Variants in TMEM245 observed in about 807,000 individuals in gnomAD.
The protein encoded by TMEM245 is protein CG-2.
A neutral mutation model predicts 101.2 loss-of-function variants in TMEM245; 69 were observed. The observed-to-expected ratio is 0.68, with a 90% CI of 0.56 to 0.83. The LOEUF is 0.83. Ranked by LOEUF, TMEM245 falls within the 40% of genes least tolerant of loss-of-function variation. The pLI, the probability that TMEM245 is intolerant of heterozygous loss-of-function variation, is 0.00. For missense variants in TMEM245, 1,075 were observed against 1,092.8 expected, an observed-to-expected ratio of 0.98 and a Z score of 0.23; for synonymous variants, 537 against 449.8, an observed-to-expected ratio of 1.19 and a Z score of -2.45.
intron 9 of TMEM245, among the ~76,000 whole-genome samples, chr9:109,068,195 A>C (rs553677818): frequency 6.6e-5 from 10 of 151,900 alleles, no homozygotes; most frequent in African/African-American, 2.4e-4. Flanking sequence ...GTGAAACCCT[A>C]TCTCTACTAA....
At chr9:109,056,071 T>C (rs1201809870) in intron 12 of TMEM245, among the ~76,000 whole-genome samples, 1 of 152,202 alleles carries the variant, frequency 6.6e-6, no homozygotes, top group Non-Finnish European at 1.5e-5. Context: ...GCACTTCATC[T>C]TCCACATTAG....
intron 10 of TMEM245, among the ~76,000 whole-genome samples, chr9:109,064,050 G>A (rs576471937): frequency 6.6e-6 from 1 of 152,168 alleles, no homozygotes; most frequent in African/African-American, 2.4e-5. Flanking sequence ...CTGCAAAGCA[G>A]GCAAAATAAT....
chr9:109,118,807 C>T (rs1292929487), intron 1 of TMEM245, among the ~76,000 whole-genome samples: 1 of 152,226 alleles, frequency 6.6e-6, no homozygotes, highest in Non-Finnish European at 1.5e-5. Context: ...GTGAAGCAAG[C>T]TTTGTTTTAG....
At chr9:109,085,109 AATT>A (rs2085374227) in intron 7 of TMEM245, among the ~76,000 whole-genome samples, 2 of 152,112 alleles carry the variant, frequency 1.3e-5, no homozygotes, top group South Asian at 4.1e-4. Flanking sequence ...GATTCATTGA[AATT>A]ATTATTTTTT....
At chr9:109,062,528 C>G (rs1009462466) in intron 10 of TMEM245, among the ~76,000 whole-genome samples, 3 of 152,200 alleles carry the variant, frequency 2.0e-5, no homozygotes, top group African/African-American at 7.2e-5. Context: ...TAGTTTACAA[C>G]ATCTATTTCC....
At chr9:109,034,774 C>T (rs978799864) in intron 16 of TMEM245, among the ~76,000 whole-genome samples, 4 of 151,882 alleles carry the variant, frequency 2.6e-5, no homozygotes, top group African/African-American at 9.7e-5. Context: ...AAAATAAAAA[C>T]GTGTGGGAGT....
intron 9 of TMEM245, among the ~76,000 whole-genome samples, chr9:109,071,603 CAA>C (rs202086560): frequency 1.0e-4 from 13 of 124,198 alleles, no homozygotes; most frequent in Non-Finnish European, 8.5e-5. Context: ...GACCCTGTCT[CAA>C]AAAAAAAAAA....
chr9:109,058,474 G>A (rs150112526), intron 11 of TMEM245, among the ~76,000 whole-genome samples: 103 of 152,256 alleles, frequency 6.8e-4, no homozygotes, highest in African/African-American at 2.2e-3. Context: ...GCTCTCATCT[G>A]TAATCCTACC....
At chr9:109,023,614 C>T (rs1378336642) in intron 17 of TMEM245, among the ~76,000 whole-genome samples, 1 of 152,076 alleles carries the variant, frequency 6.6e-6, no homozygotes, top group Non-Finnish European at 1.5e-5. Context: ...GCAGGTGGAT[C>T]ACGAGGTCAG....
rs752851279 is a variant in TMEM245, at chr9:109,087,361, T to A, written c.1151-19A>T. On this transcript the variant is annotated intron_variant, in intron 5 of 17. Coordinates refer to ENST00000374586, the MANE Select transcript of TMEM245 (RefSeq NM_032012.4). ...ATCCAGACTAAAAAAAGACAAAAAA[T>A]ACATATATAAACAAAATATAGATTA... is the stretch of plus-strand genomic sequence containing the variant. 6.3e-7 allele frequency: 1 copy of A among 1,577,562 alleles called. No homozygotes were observed. The highest frequency in any genetic ancestry group is 1.2e-5 in the South Asian group (1 of 84,922).
At chr9:109,085,746 G>A (rs1829811727) in intron 7 of TMEM245, among the ~76,000 whole-genome samples, 1 of 152,198 alleles carries the variant, frequency 6.6e-6, no homozygotes, top group South Asian at 2.1e-4. Flanking sequence ...GGGACAAAAG[G>A]ACTATGAGAC....
At chr9:109,043,063 A>T (rs547365605) in intron 14 of TMEM245, among the ~76,000 whole-genome samples, 40 of 152,190 alleles carry the variant, frequency 2.6e-4, no homozygotes, top group Non-Finnish European at 4.4e-5. Context: ...GGTTACTTTA[A>T]ATAACCTATA....
intron 17 of TMEM245, among the ~76,000 whole-genome samples, chr9:109,029,744 C>G (rs1272438139): frequency 2.0e-5 from 3 of 152,196 alleles, no homozygotes; most frequent in Admixed American, 1.3e-4. Flanking sequence ...CGCTGAACAG[C>G]AAGCCAAAAG....
At chr9:109,110,715 C>T (rs1830546027) in intron 1 of TMEM245, among the ~76,000 whole-genome samples, 1 of 152,060 alleles carries the variant, frequency 6.6e-6, no homozygotes, top group Non-Finnish European at 1.5e-5. Flanking sequence ...TTATACAAAA[C>T]TGAGTTGTCA....
intron 8 of TMEM245, among the ~76,000 whole-genome samples, chr9:109,079,122 C>T (rs1588057216): frequency 1.3e-5 from 2 of 152,152 alleles, no homozygotes; most frequent in East Asian, 3.8e-4. Context: ...TTACCAGCTA[C>T]AGTAGCAGCT....
intron 3 of TMEM245, among the ~76,000 whole-genome samples, chr9:109,094,330 G>T (rs1304831845): frequency 6.6e-6 from 1 of 152,150 alleles, no homozygotes; most frequent in Non-Finnish European, 1.5e-5. Context: ...CTAGACTGGA[G>T]AGCTAAAAAA....
chr9:109,098,156 A>G (rs1029043643), intron 3 of TMEM245, among the ~76,000 whole-genome samples: 1 of 152,178 alleles, frequency 6.6e-6, no homozygotes, highest in East Asian at 1.9e-4. Context: ...GCTAAGCAAA[A>G]TATCTTGTAT....
At chr9:109,056,150 G>C (rs1828828499) in intron 12 of TMEM245, among the ~76,000 whole-genome samples, 1 of 152,112 alleles carries the variant, frequency 6.6e-6, no homozygotes, top group Non-Finnish European at 1.5e-5. Context: ...TAGAAATTCA[G>C]AGGTAAATAC....
At position 109,016,478 on chromosome 9, in the gene TMEM245, T is replaced by C. The variant is rs1827443020; in HGVS notation, c.*3982A>G. 1 of 152,228 alleles carries C rather than the reference T, an allele frequency of 6.6e-6. No individual in the cohort carries two copies. The highest frequency in any genetic ancestry group is 2.4e-5 in the African/African-American group (1 of 41,462). 9.4% of individuals were successfully genotyped at this position (152,228 alleles called of 1,614,324 possible). On this transcript the variant is annotated 3_prime_UTR_variant, in exon 18 of 18. Transcript: ENST00000374586. ...CTGTTACTAACTGGCTGTATGTGTA[T>C]GTCAGACAAGCCACTTAAACCTATG...
Sources: allele counts gnomAD v4.1 joint callset (sites outside exome capture counted in the v4.1 genomes callset), GRCh38; gene constraint gnomAD v4.1.1; transcripts MANE v1.5; gene names NCBI Gene and HGNC (gene_info 2026-07-23, HGNC 2026-07-21).